ZCCHC2: variants seen among roughly 807,000 people sequenced by gnomAD.
ZCCHC2 encodes the protein zinc finger CCHC-type containing 2.
ZCCHC2 carries 39 observed loss-of-function variants against 103.6 expected under a neutral mutation model. The ratio of observed to expected loss-of-function variants is 0.38; its 90% confidence interval spans 0.29 to 0.49. The LOEUF is 0.49. Among genes scored for constraint, ZCCHC2 ranks in the 20% least tolerant of loss-of-function variants. The probability of loss-of-function intolerance (pLI) is 0.96; values close to 1 mark genes in which losing one functional copy is unlikely to be tolerated. For synonymous variants in ZCCHC2, 687 were observed against 608.9 expected (o/e 1.13, Z -1.89); for missense variants, 1,483 against 1,491.0 (o/e 0.99, Z 0.09).
Position 62,523,376 on chromosome 18 carries a change from GCCCCTC to G in ZCCHC2, c.-46_-41del. 1 of 1,012,336 alleles carries G rather than the reference GCCCCTC, an allele frequency of 9.9e-7. No homozygotes were observed. Among genetic ancestry groups the G allele is most frequent in the Non-Finnish European group, 1.2e-6 (1 of 848,976 alleles). The allele number at this position is 1,012,336 out of a possible 1,614,324, so 62.7% of individuals were successfully genotyped here. A position where few individuals can be genotyped will look rare whatever the true frequency, so the allele number is the denominator to read the frequency against. ...GCCTCGGCCCGTGCTCCACCTCGCG[GCCCCTC>G]CCGCCCGCCCCCGCTCGCATGTCTG... On this transcript the variant is annotated 5_prime_UTR_variant, in exon 1 of 14. Transcript: ENST00000269499.
At chr18:62,558,537 G>A in intron 6 of ZCCHC2, 150 bp from the exon 7 acceptor site, 1 of 489,392 alleles carries the variant, frequency 2.0e-6, no homozygotes, top group Non-Finnish European at 3.7e-6. Context: ...TAGTGCTTTG[G>A]GCTGTGTCAT....
intron 1 of ZCCHC2, among the ~76,000 whole-genome samples, chr18:62,534,972 A>G (rs2145490734): frequency 1.3e-5 from 2 of 152,366 alleles, no homozygotes; most frequent in South Asian, 4.1e-4. Flanking sequence ...TTATGTTTCT[A>G]CAAGGTTCCA....
chr18:62,565,162 T>A, intron 11 of ZCCHC2, 66 bp downstream of exon 11: 1 of 1,209,882 alleles, frequency 8.3e-7, no homozygotes, highest in Non-Finnish European at 1.2e-6. Context: ...ACTTACTGTA[T>A]TAATAGATAC....
In ZCCHC2 at chr18:62,523,531, G is replaced by A; in HGVS notation, c.107G>A (p.Arg36His). The change falls in exon 1 of 14, where the codon CGC becomes CAC. Residue 36 changes from arginine (R) to histidine (H), a missense_variant. Physicochemically the swap from Arg to His is conservative, Grantham distance 29. Transcript: ENST00000269499. ...DARPGAKAPSRRRRDCRPPPP... is the reference protein window; with the variant it reads ...DARPGAKAPSHRRRDCRPPPP... Reference sequence around the variant, plus strand: ...CGGCCGGGCGCGAAGGCGCCTTCGCGCCGCCGCCGCGACTGCCGCCCCCCG... The same window carrying A: ...CGGCCGGGCGCGAAGGCGCCTTCGCACCGCCGCCGCGACTGCCGCCCCCCG... The A allele has an allele frequency of 1.1e-6, 1 of 936,458 alleles. No homozygotes were observed. The highest frequency in any genetic ancestry group is 5.0e-5 in the South Asian group (1 of 19,826). 58.0% of individuals were successfully genotyped at this position (936,458 alleles called of 1,614,324 possible).
intron 11 of ZCCHC2, among the ~76,000 whole-genome samples, chr18:62,569,547 A>G (rs548779679): frequency 2.6e-5 from 4 of 152,092 alleles, no homozygotes; most frequent in East Asian, 1.9e-4. Context: ...TACTAGATAC[A>G]CCGATAGTCC....
At chr18:62,541,054 T>C (rs1452849429) in intron 2 of ZCCHC2, among the ~76,000 whole-genome samples, 1 of 152,232 alleles carries the variant, frequency 6.6e-6, no homozygotes, top group Non-Finnish European at 1.5e-5. Flanking sequence ...AGCTGCTTTA[T>C]TTCTGAATAT....
At chr18:62,584,306 G>A (rs556661838) in intron 14 of ZCCHC2, 1 of 152,320 alleles carries the variant, frequency 6.6e-6, no homozygotes, top group South Asian at 2.1e-4. Flanking sequence ...AGTCACCTCC[G>A]CCTGCAGAGA....
intron 8 of ZCCHC2, among the ~76,000 whole-genome samples, chr18:62,561,987 G>GT (rs1389699111): frequency 3.3e-5 from 5 of 151,640 alleles, no homozygotes; most frequent in Non-Finnish European, 5.9e-5. Flanking sequence ...ATGTCCCGTG[G>GT]TTTTTTTTGT....
At chr18:62,569,021 C>CTGCCACTT (rs1167627586) in intron 11 of ZCCHC2, among the ~76,000 whole-genome samples, 2 of 152,248 alleles carry the variant, frequency 1.3e-5, no homozygotes, top group African/African-American at 4.8e-5. Flanking sequence ...ATGAACTCCT[C>CTGCCACTT]TGCCACTTTT....
intron 7 of ZCCHC2, among the ~76,000 whole-genome samples, chr18:62,559,526 A>G (rs1916030195): frequency 6.6e-6 from 1 of 152,206 alleles, no homozygotes; most frequent in Non-Finnish European, 1.5e-5. Context: ...GGCACTGCTG[A>G]TGGGGATATA....
At chr18:62,569,882 C>T (rs1412049308) in intron 11 of ZCCHC2, among the ~76,000 whole-genome samples, 1 of 152,062 alleles carries the variant, frequency 6.6e-6, no homozygotes, top group Non-Finnish European at 1.5e-5. Flanking sequence ...TCTTTGAAGT[C>T]AGTAAGATTG....
chr18:62,558,713 T>G lies in ZCCHC2; in HGVS notation c.1435T>G (p.Ser479Ala). The G allele has an allele frequency of 6.5e-7, 1 of 1,546,662 alleles. No individual in the cohort carries two copies. The highest frequency in any genetic ancestry group is 8.7e-7 in the Non-Finnish European group (1 of 1,145,130). ...TAACTTACAATCCTCTCTGAAGACT[T>G]CTAAGATATTAGAACACTTAAAAGA... ...INNLQSSLKTSKILEHLKEDS... is the reference protein window; with the variant it reads ...INNLQSSLKTAKILEHLKEDS... The change falls in exon 7 of 14, where the codon TCT becomes GCT. Residue 479 changes from serine (S) to alanine (A), a missense_variant. Physicochemically the swap from Ser to Ala is moderately conservative, Grantham distance 99. Transcript: ENST00000269499.
At chr18:62,530,727 G>A (rs1339944195) in intron 1 of ZCCHC2, among the ~76,000 whole-genome samples, 1 of 152,158 alleles carries the variant, frequency 6.6e-6, no homozygotes, top group South Asian at 2.1e-4. Context: ...AAGGAATTCT[G>A]TGAGTCACAG....
At chr18:62,554,370 A>T (rs1448306805) in intron 5 of ZCCHC2, among the ~76,000 whole-genome samples, 1 of 152,250 alleles carries the variant, frequency 6.6e-6, no homozygotes, top group African/African-American at 2.4e-5. Flanking sequence ...AGGAAAATGA[A>T]AATACGGCCT....
At chr18:62,542,410 A>C in intron 2 of ZCCHC2, 88 bp from the exon 3 acceptor site, 1 of 921,080 alleles carries the variant, frequency 1.1e-6, no homozygotes, top group Non-Finnish European at 1.7e-6. Flanking sequence ...ATTGTTAAGC[A>C]CTTGTCAACT....
chr18:62,553,726 C>T (rs1248275009), intron 5 of ZCCHC2, among the ~76,000 whole-genome samples: 1 of 152,208 alleles, frequency 6.6e-6, no homozygotes, highest in African/African-American at 2.4e-5. Flanking sequence ...AGACTCAAAA[C>T]ATTCTCAATT....
intron 3 of ZCCHC2, 29 bp downstream of exon 3, chr18:62,542,603 T>C (rs1915248011): frequency 6.5e-7 from 1 of 1,528,404 alleles, no homozygotes; most frequent in Non-Finnish European, 8.9e-7. Flanking sequence ...AAAAGATACC[T>C]CACGTGCTGT....
At chr18:62,541,605 A>T (rs1045287820) in intron 2 of ZCCHC2, among the ~76,000 whole-genome samples, 1 of 151,922 alleles carries the variant, frequency 6.6e-6, no homozygotes, top group African/African-American at 2.4e-5. Context: ...CTTCTCTGTA[A>T]CCTTTAGCAT....
chr18:62,550,076 C>A (rs1002551420), intron 4 of ZCCHC2, among the ~76,000 whole-genome samples: 10 of 152,226 alleles, frequency 6.6e-5, no homozygotes, highest in African/African-American at 2.2e-4. Context: ...TCCATGCAGG[C>A]ATCCTCCTGT....
Sources: gnomAD v4.1 joint callset for allele counts (sites outside exome capture counted in the v4.1 genomes callset) on GRCh38, gnomAD v4.1.1 for gene constraint, MANE v1.5 for transcripts, NCBI Gene and HGNC (gene_info 2026-07-23, HGNC 2026-07-21) for gene names.